NFATC2: variants seen among roughly 807,000 people sequenced by gnomAD.
The protein encoded by NFATC2 is nuclear factor of activated T cells 2.
Under a neutral mutation model 87.3 loss-of-function variants are expected in NFATC2, and 22 were observed. The ratio of observed to expected loss-of-function variants is 0.25; its 90% CI spans 0.18 to 0.36. The LOEUF (loss-of-function observed/expected upper bound fraction) is 0.36. Ranked by LOEUF, NFATC2 falls within the 10% of genes least tolerant of loss-of-function variation. NFATC2 has a pLI of 1.00. For synonymous variants in NFATC2, 565 were observed against 542.2 expected (o/e 1.04, Z -0.58); for missense variants, 1,149 against 1,259.1 (o/e 0.91, Z 1.32).
intron 1 of NFATC2, among the ~76,000 whole-genome samples, chr20:51,540,015 T>A (rs2076781004): frequency 6.6e-6 from 1 of 152,062 alleles, no homozygotes; most frequent in South Asian, 2.1e-4. Context: ...ATAGTATACT[T>A]TTTGTTGTTG....
intron 3 of NFATC2, among the ~76,000 whole-genome samples, chr20:51,493,092 T>C (rs1163183158): frequency 2.0e-5 from 3 of 152,164 alleles, no homozygotes; most frequent in African/African-American, 7.2e-5. Context: ...GAGAAGAAGA[T>C]TCCAGAGCAG....
chr20:51,456,778 A>G (rs1986581571), intron 5 of NFATC2, among the ~76,000 whole-genome samples: 1 of 152,220 alleles, frequency 6.6e-6, no homozygotes, highest in Admixed American at 6.5e-5. Context: ...CCCACGGCCC[A>G]ATTCTAACCC....
intron 9 of NFATC2, among the ~76,000 whole-genome samples, chr20:51,414,679 ACT>A (rs538232746): frequency 5.4e-4 from 80 of 149,334 alleles, no homozygotes; most frequent in African/African-American, 1.9e-3. Flanking sequence ...ACAAAACAAG[ACT>A]CTGTTAAAAA....
At chr20:51,424,217 G>A (rs1458103019) in intron 9 of NFATC2, among the ~76,000 whole-genome samples, 1 of 152,126 alleles carries the variant, frequency 6.6e-6, no homozygotes, top group Non-Finnish European at 1.5e-5. Flanking sequence ...ACAGTTTTCT[G>A]GACTTTGACA....
intron 3 of NFATC2, among the ~76,000 whole-genome samples, chr20:51,485,593 C>T (rs1013291232): frequency 2.0e-5 from 3 of 151,922 alleles, no homozygotes; most frequent in African/African-American, 7.3e-5. Flanking sequence ...ATTCCTCTTG[C>T]GCAGAACCAG....
intron 1 of NFATC2, among the ~76,000 whole-genome samples, chr20:51,557,841 A>T (rs12106125): frequency 6.6e-6 from 1 of 152,194 alleles, no homozygotes; most frequent in African/African-American, 2.4e-5. Flanking sequence ...CTGAAGATAC[A>T]GTGGTGACCA....
intron 3 of NFATC2, among the ~76,000 whole-genome samples, chr20:51,507,761 G>A (rs1004370191): frequency 3.3e-5 from 5 of 152,248 alleles, no homozygotes; most frequent in South Asian, 4.1e-4. Context: ...GGCTGCAGAC[G>A]TCCTATGCCC....
At chr20:51,529,828 G>A (rs2076604568) in intron 1 of NFATC2, among the ~76,000 whole-genome samples, 1 of 151,938 alleles carries the variant, frequency 6.6e-6, no homozygotes, top group Admixed American at 6.6e-5. Context: ...ATAAATAGAA[G>A]GTAGGGTAAA....
intron 3 of NFATC2, among the ~76,000 whole-genome samples, chr20:51,500,365 G>A (rs1215159214): frequency 6.6e-6 from 1 of 152,040 alleles, no homozygotes; most frequent in African/African-American, 2.4e-5. Flanking sequence ...AATCAACCCT[G>A]GAGTTGCAAG....
intron 5 of NFATC2, 33 bp from the exon 6 acceptor site, chr20:51,454,721 A>G (rs228840): frequency 0.83 from 1,341,705 of 1,611,028 alleles, 560,156 homozygotes; most frequent in Admixed American, 0.85. Context: ...TCACTGTGAT[A>G]AGGGGAGATG....
chr20:51,462,928 T>G (rs2146466084), intron 5 of NFATC2, among the ~76,000 whole-genome samples: 1 of 152,308 alleles, frequency 6.6e-6, no homozygotes, highest in African/African-American at 2.4e-5. Flanking sequence ...CCCTCTGCAG[T>G]GAAACGGAGG....
intron 3 of NFATC2, among the ~76,000 whole-genome samples, chr20:51,511,778 ACTT>A (rs1392276606): frequency 6.6e-6 from 1 of 152,168 alleles, no homozygotes; most frequent in African/African-American, 2.4e-5. Flanking sequence ...TTCTTCCGTA[ACTT>A]CTTCTAATCT....
At chr20:51,393,182 A>C (rs906597148) in intron 10 of NFATC2, among the ~76,000 whole-genome samples, 18 of 152,190 alleles carry the variant, frequency 1.2e-4, no homozygotes, top group African/African-American at 3.9e-4. Context: ...AAGCATGTAC[A>C]TGAGAGGTCG....
intron 10 of NFATC2, among the ~76,000 whole-genome samples, chr20:51,393,994 C>T (rs1986688019): frequency 6.6e-6 from 1 of 152,052 alleles, no homozygotes; most frequent in African/African-American, 2.4e-5. Flanking sequence ...AATGGTCCTG[C>T]TTTCTGGGAG....
Position 51,442,703 on chromosome 20 carries a change from G to GT in NFATC2, c.1850-6943dup, listed in dbSNP as rs1418087682. 6.0e-3 allele frequency among the ~76,000 whole-genome samples: 643 copies of GT among 106,896 alleles called. 5 individuals carry two copies. Among genetic ancestry groups the GT allele is most frequent in the African/African-American group, 0.014 (385 of 28,410 alleles). 70.1% of individuals were successfully genotyped at this position (106,896 alleles called of 152,430 possible). A position where few individuals can be genotyped will look rare whatever the true frequency, so the allele number is the denominator to read the frequency against. ...TATATTTTTATTATTTTTAAATAAAGTTTGTTTTTTTTTTTTTTCTTAAGA... is the reference window on the plus strand; with the variant it reads ...TATATTTTTATTATTTTTAAATAAAGTTTTGTTTTTTTTTTTTTTCTTAAGA... On this transcript the variant is annotated intron_variant, in intron 6 of 10. Transcript: ENST00000371564.
chr20:51,465,740 C>G (rs1005450003), intron 5 of NFATC2, among the ~76,000 whole-genome samples: 2 of 152,018 alleles, frequency 1.3e-5, no homozygotes, highest in Non-Finnish European at 2.9e-5. Flanking sequence ...CCCAAGCCAC[C>G]AACCCGTGGT....
intron 3 of NFATC2, among the ~76,000 whole-genome samples, chr20:51,485,801 T>C (rs2146559053): frequency 6.6e-6 from 1 of 152,326 alleles, no homozygotes; most frequent in South Asian, 2.1e-4. Context: ...GTATAAAGCA[T>C]GTCACAAGCA....
At chr20:51,441,925 T>C (rs927213601) in intron 6 of NFATC2, among the ~76,000 whole-genome samples, 6 of 152,094 alleles carry the variant, frequency 3.9e-5, no homozygotes, top group African/African-American at 1.4e-4. Flanking sequence ...CCCAAGTGCT[T>C]TGGTGGGTAT....
intron 3 of NFATC2, among the ~76,000 whole-genome samples, chr20:51,511,821 T>C (rs1427056524): frequency 6.6e-6 from 1 of 152,246 alleles, no homozygotes; most frequent in Non-Finnish European, 1.5e-5. Context: ...GAGTGATCTA[T>C]AAAATGTTAA....
Sources: gnomAD v4.1 joint callset for allele counts (sites outside exome capture counted in the v4.1 genomes callset) on GRCh38, gnomAD v4.1.1 for gene constraint, MANE v1.5 for transcripts, NCBI Gene and HGNC (gene_info 2026-07-23, HGNC 2026-07-21) for gene names.